TCAIM: variants seen among roughly 807,000 people sequenced by gnomAD.
TCAIM encodes the protein T-cell activation inhibitor, mitochondrial.
TCAIM carries 36 observed loss-of-function variants against 58.6 expected under a neutral mutation model. The observed-to-expected ratio is 0.61, with a 90% CI of 0.47 to 0.81. The LOEUF (loss-of-function observed/expected upper bound fraction) is 0.81. Among genes scored for constraint, TCAIM ranks in the 30% least tolerant of loss-of-function variants. The pLI is 0.00. For synonymous variants in TCAIM, 172 were observed against 193.6 expected, an observed-to-expected ratio of 0.89 and a Z score of 0.93; for missense variants, 466 against 579.6, an observed-to-expected ratio of 0.80 and a Z score of 2.01.
chr3:44,386,180 C>G (rs1187972216), intron 5 of TCAIM, among the ~76,000 whole-genome samples: 1 of 132,458 alleles, frequency 7.5e-6, no homozygotes, highest in East Asian at 2.1e-4. Context: ...ACCACTGCAC[C>G]TCAGCCTGGG....
intron 5 of TCAIM, among the ~76,000 whole-genome samples, chr3:44,374,286 C>CTT (rs753252645): frequency 4.0e-4 from 48 of 119,872 alleles, no homozygotes; most frequent in Middle Eastern, 4.1e-3. Context: ...GCTTTGCTTT[C>CTT]TTTTTTTTTT....
intron 2 of TCAIM, 105 bp downstream of exon 2, chr3:44,354,916 A>G (rs1247695087): frequency 3.8e-6 from 5 of 1,331,854 alleles, no homozygotes; most frequent in African/African-American, 3.0e-5. Context: ...CTGAAGTTAT[A>G]TTATGGTGGA....
At chr3:44,384,996 G>T (rs1412859130) in intron 5 of TCAIM, among the ~76,000 whole-genome samples, 2 of 152,200 alleles carry the variant, frequency 1.3e-5, no homozygotes, top group Non-Finnish European at 2.9e-5. Flanking sequence ...TCAGAACTGT[G>T]GAGAAACAAG....
chr3:44,378,891 GC>G (rs935708714), intron 5 of TCAIM, among the ~76,000 whole-genome samples: 1 of 151,994 alleles, frequency 6.6e-6, no homozygotes, highest in Non-Finnish European at 1.5e-5. Flanking sequence ...AGGCACAGTT[GC>G]TCACACCTGT....
chr3:44,338,754 C>T (rs1409613098), upstream of TCAIM: 2 of 152,304 alleles, frequency 1.3e-5, no homozygotes, highest in East Asian at 1.9e-4. Context: ...GCGGGCGGAG[C>T]GACTGTCCTC....
intron 5 of TCAIM, among the ~76,000 whole-genome samples, chr3:44,368,313 C>T (rs1026376814): frequency 2.0e-5 from 3 of 152,128 alleles, no homozygotes; most frequent in South Asian, 4.1e-4. Flanking sequence ...CATAAAGACC[C>T]ATCACATTCT....
intron 2 of TCAIM, among the ~76,000 whole-genome samples, chr3:44,356,813 A>G (rs77139745): frequency 7.1e-6 from 1 of 140,160 alleles, no homozygotes; most frequent in Non-Finnish European, 1.6e-5. Context: ...TAAAAATACA[A>G]AAAAAAAAAA....
intron 3 of TCAIM, 61 bp downstream of exon 3, chr3:44,357,937 A>C (rs1701229267): frequency 1.3e-6 from 2 of 1,562,804 alleles, no homozygotes; most frequent in Non-Finnish European, 1.7e-6. Flanking sequence ...CCTTTGATAC[A>C]ATATAATACA....
intron 10 of TCAIM, among the ~76,000 whole-genome samples, chr3:44,405,272 A>G (rs564765281): frequency 3.3e-5 from 5 of 152,324 alleles, no homozygotes; most frequent in African/African-American, 1.2e-4. Flanking sequence ...CTTTTACTCT[A>G]TATCATATAT....
chr3:44,364,869 A>G (rs1370579795), intron 4 of TCAIM, among the ~76,000 whole-genome samples: 1 of 152,000 alleles, frequency 6.6e-6, no homozygotes, highest in African/African-American at 2.4e-5. Context: ...GTAAAAATAC[A>G]TTTTCCCACA....
At chr3:44,358,850 T>C (rs1701248245) in intron 3 of TCAIM, 2 of 985,322 alleles carry the variant, frequency 2.0e-6, no homozygotes, top group Admixed American at 6.1e-5. Flanking sequence ...TCGTTATTTT[T>C]TTCTACTTGC....
chr3:44,350,524 C>T (rs1158653256), intron 1 of TCAIM, among the ~76,000 whole-genome samples: 2 of 151,952 alleles, frequency 1.3e-5, no homozygotes, highest in Admixed American at 1.3e-4. Context: ...TCTGCACTTC[C>T]CAGAGTCAAG....
chr3:44,402,249 GAA>G (rs767810885), intron 10 of TCAIM, among the ~76,000 whole-genome samples: 2 of 139,944 alleles, frequency 1.4e-5, no homozygotes, highest in Admixed American at 7.2e-5. Context: ...ATATGGTGGG[GAA>G]AAAAAAAAAA....
chr3:44,346,214 A>G (rs1024287064), intron 1 of TCAIM, among the ~76,000 whole-genome samples: 4 of 152,316 alleles, frequency 2.6e-5, no homozygotes, highest in East Asian at 1.9e-4. Flanking sequence ...GGTAAGGGGA[A>G]GGTTCTACTG....
intron 5 of TCAIM, among the ~76,000 whole-genome samples, chr3:44,374,645 C>CAGG (rs1248979787): frequency 6.6e-6 from 1 of 152,110 alleles, no homozygotes; most frequent in Admixed American, 6.6e-5. Flanking sequence ...CCTGTACTCC[C>CAGG]AGCTACTCAG....
chr3:44,359,714 T>C (rs1701264687), intron 3 of TCAIM: 1 of 152,234 alleles, frequency 6.6e-6, no homozygotes, highest in African/African-American at 2.4e-5. Flanking sequence ...GCACGTGGTC[T>C]CTCCTGATTC....
chr3:44,398,121 A>G (rs888796120), intron 8 of TCAIM, among the ~76,000 whole-genome samples: 1 of 152,136 alleles, frequency 6.6e-6, no homozygotes, highest in Non-Finnish European at 1.5e-5. Flanking sequence ...GATGACATGT[A>G]AGCACATAAA....
intron 8 of TCAIM, among the ~76,000 whole-genome samples, chr3:44,398,589 A>G (rs1455777995): frequency 2.0e-5 from 3 of 152,232 alleles, no homozygotes; most frequent in Non-Finnish European, 4.4e-5. Context: ...TAGGTCATTC[A>G]TGCATTGCTG....
In TCAIM at chr3:44,407,453, T is replaced by C. The variant is rs145637161; in HGVS notation, c.1262T>C (p.Ile421Thr). Residue 421 changes from isoleucine (I) to threonine (T), a missense_variant, in exon 11 of 11, where the codon ATT becomes ACT. Transcript: ENST00000342649. ...NMKRKEELKV[I>T]ENELIQASTK... is the part of the protein sequence containing the mutation. ...TTTCTATATAATAGGTTAAAGGTTA[T>C]TGAAAATGAATTGATACAGGCATCA... 2 of 1,540,494 alleles carry C rather than the reference T, an allele frequency of 1.3e-6. No individual in the cohort carries two copies. Among genetic ancestry groups the C allele is most frequent in the Non-Finnish European group, 1.8e-6 (2 of 1,118,288 alleles).
Sources: gnomAD v4.1 joint callset for allele counts (sites outside exome capture counted in the v4.1 genomes callset) on GRCh38, gnomAD v4.1.1 for gene constraint, MANE v1.5 for transcripts, NCBI Gene and HGNC (gene_info 2026-07-23, HGNC 2026-07-21) for gene names.